MLYCD: variants seen among roughly 807,000 people sequenced by gnomAD.
The protein encoded by MLYCD is malonyl-CoA decarboxylase.
Under a neutral mutation model 35.8 loss-of-function variants are expected in MLYCD, and 27 were observed. The observed-to-expected ratio is 0.75, with a 90% CI of 0.56 to 1.04. MLYCD has a LOEUF of 1.04. MLYCD is among the 50% of genes least tolerant of loss of function. The probability of loss-of-function intolerance (pLI) is 0.00; values close to 1 mark genes in which losing one functional copy is unlikely to be tolerated. For missense variants in MLYCD, 917 were observed against 665.1 expected (o/e 1.38, Z -4.17); for synonymous variants, 403 against 302.4 (o/e 1.33, Z -3.45).
rs957509653 is a variant in MLYCD, at chr16:83,912,280, C to A, written c.861C>A (p.Ile287=). 1.2e-6 allele frequency: 2 copies of A among 1,614,194 alleles called. No individual in the cohort carries two copies. Among genetic ancestry groups the A allele is most frequent in the Non-Finnish European group, 8.5e-7 (1 of 1,180,032 alleles). Residue 287 remains isoleucine, a synonymous_variant, in exon 4 of 5, where the codon ATC becomes ATA. Transcript: ENST00000262430. ...TEEKNKITAA[I]FYSISLTQQG... Reference sequence around the variant, plus strand: ...AGAAGAACAAAATCACTGCTGCGATCTTTTATTCCATCAGCTTGACCCAGC... The same window carrying A: ...AGAAGAACAAAATCACTGCTGCGATATTTTATTCCATCAGCTTGACCCAGC...
intron 2 of MLYCD, 119 bp downstream of exon 2, chr16:83,907,218 A>G (rs1278155683): frequency 2.2e-6 from 2 of 904,964 alleles, no homozygotes; most frequent in African/African-American, 1.7e-5. Flanking sequence ...TTTCAAGTCT[A>G]ATAAAATCCA....
At position 83,914,892 on chromosome 16, in the gene MLYCD, G is replaced by A. The variant is rs148108343; in HGVS notation, c.949-64G>A. 117 of 1,608,752 alleles carry A rather than the reference G, an allele frequency of 7.3e-5. 1 individual carries two copies. The African/African-American group carries it at 1.4e-3, about 20-fold the overall frequency. On this transcript the variant is annotated intron_variant, in intron 4 of 4. Transcript: ENST00000262430. ...GTAGGTTAAGAGGTGCTCCTCTGTT[G>A]GTAACGTACCTGCTGAATTTGTGTT...
chr16:83,921,332 T>G lies in MLYCD; in HGVS notation c.*5843T>G. The G allele has an allele frequency of 7.8e-6, 1 of 127,396 alleles. No individual in the cohort carries two copies. The highest frequency in any genetic ancestry group is 2.5e-4 in the South Asian group (1 of 3,950). The allele number at this position is 127,396 out of a possible 1,614,324, so 7.9% of individuals were successfully genotyped here. ...GGAAGATGAATGGATAGATGGAGGG[T>G]AGAGTGTAGATGGAAGGAAAGGAAA... is the stretch of plus-strand genomic sequence containing the variant. On this transcript the variant is annotated 3_prime_UTR_variant, in exon 5 of 5. Coordinates refer to ENST00000262430, the MANE Select transcript of MLYCD (RefSeq NM_012213.3).
intron 1 of MLYCD, among the ~76,000 whole-genome samples, chr16:83,902,643 A>G (rs1348395459): frequency 6.6e-6 from 1 of 151,670 alleles, no homozygotes; most frequent in East Asian, 1.9e-4. Context: ...GTAGCTGGGA[A>G]TACAGGTGCT....
intron 3 of MLYCD, among the ~76,000 whole-genome samples, chr16:83,908,840 C>A (rs1907073453): frequency 6.6e-6 from 1 of 152,130 alleles, no homozygotes; most frequent in Admixed American, 6.5e-5. Flanking sequence ...CCCGTGGGGG[C>A]AGAAGAACCA....
Position 83,916,715 on chromosome 16 carries a change from A to C in MLYCD, c.*1226A>C, listed in dbSNP as rs1440355024. 3.8e-5 allele frequency: 5 copies of C among 133,072 alleles called. No individual in the cohort carries two copies. Among genetic ancestry groups the C allele is most frequent in the Non-Finnish European group, 6.2e-5 (4 of 64,460 alleles). The allele number at this position is 133,072 out of a possible 1,614,324, so 8.2% of individuals were successfully genotyped here. ...GTGCACGAGCGTCTCTGTGTGTATC[A>C]GTGCACGTCTGTGTGCGTGTGCCCG... On this transcript the variant is annotated 3_prime_UTR_variant, in exon 5 of 5. Coordinates refer to ENST00000262430, the MANE Select transcript of MLYCD (RefSeq NM_012213.3).
chr16:83,906,077 A>T (rs1906963578), intron 1 of MLYCD, among the ~76,000 whole-genome samples: 1 of 152,186 alleles, frequency 6.6e-6, no homozygotes, highest in Non-Finnish European at 1.5e-5. Context: ...ATGTCCCTCT[A>T]AGGTAGGTTA....
chr16:83,911,514 C>T (rs978084956), intron 3 of MLYCD, among the ~76,000 whole-genome samples: 2 of 152,188 alleles, frequency 1.3e-5, no homozygotes, highest in South Asian at 2.1e-4. Flanking sequence ...GATTATGCTT[C>T]GGAGTATAAG....
In MLYCD at chr16:83,899,274, C is replaced by T. The variant is rs1906686667; in HGVS notation, c.130C>T (p.Leu44=). The T allele has an allele frequency of 6.8e-7, 1 of 1,464,732 alleles. No homozygotes were observed. Among genetic ancestry groups the T allele is most frequent in the Non-Finnish European group, 9.0e-7 (1 of 1,113,376 alleles). The allele number at this position is 1,464,732 out of a possible 1,614,324, so 90.7% of individuals were successfully genotyped here. The part of the protein sequence containing the change: ...GALERAMDEL[L]RRAVPPTPAY... The stretch of plus-strand genomic sequence containing the variant: ...CCTGGAGCGGGCCATGGACGAGCTG[C>T]TGCGCCGCGCGGTGCCGCCGACGCC... The change falls in exon 1 of 5, where the codon CTG becomes TTG. Residue 44 remains leucine (L), a synonymous_variant. Transcript: ENST00000262430.
chr16:83,902,219 TTGTTTG>T, intron 1 of MLYCD, among the ~76,000 whole-genome samples: 1 of 146,832 alleles, frequency 6.8e-6, no homozygotes, highest in East Asian at 2.0e-4. Context: ...TTACGGTTTT[TTGTTTG>T]TGTTTATTTT....
rs1189505823 is a variant in MLYCD, at chr16:83,919,959, T to TCACAGGACACAACAGAACACACGCAGTG, written c.*4494_*4521dup. 6.7e-6 allele frequency: 1 copy of TCACAGGACACAACAGAACACACGCAGTG among 148,306 alleles called. No individual in the cohort carries two copies. The highest frequency in any genetic ancestry group is 6.7e-5 in the Admixed American group (1 of 14,918). 9.2% of individuals were successfully genotyped at this position (148,306 alleles called of 1,614,324 possible). ...CCATGCACAGGAGAACACACGCAAT[T>TCACAGGACACAACAGAACACACGCAGTG]CACAGGACACAACAGAACACACGCA... On this transcript the variant is annotated 3_prime_UTR_variant, in exon 5 of 5. Coordinates refer to ENST00000262430, the MANE Select transcript of MLYCD (RefSeq NM_012213.3).
Position 83,915,697 on chromosome 16 carries a change from C to T in MLYCD, c.*208C>T, listed in dbSNP as rs893844468. On this transcript the variant is annotated 3_prime_UTR_variant, in exon 5 of 5. Coordinates refer to ENST00000262430, the MANE Select transcript of MLYCD (RefSeq NM_012213.3). Reference sequence around the variant, plus strand: ...ACCCAGTGCAAGACGGTTGTGGGTGCGGGTGCACACAAATGAGTGGGTTGC... The same window carrying T: ...ACCCAGTGCAAGACGGTTGTGGGTGTGGGTGCACACAAATGAGTGGGTTGC... 32 of 1,447,920 alleles carry T rather than the reference C, an allele frequency of 2.2e-5. No individual in the cohort carries two copies. The highest frequency in any genetic ancestry group is 2.5e-4 in the Middle Eastern group (1 of 3,934). 89.7% of individuals were successfully genotyped at this position (1,447,920 alleles called of 1,614,324 possible).
chr16:83,914,669 C>T, intron 4 of MLYCD: 1 of 454,958 alleles, frequency 2.2e-6, no homozygotes, highest in Non-Finnish European at 4.0e-6. Context: ...GTCCCAGCTA[C>T]TCAGCAGGCT....
At position 83,915,617 on chromosome 16, in the gene MLYCD, C is replaced by G. The variant is rs991232565; in HGVS notation, c.*128C>G. The G allele has an allele frequency of 3.3e-6, 5 of 1,528,340 alleles. No individual in the cohort carries two copies. The highest frequency in any genetic ancestry group is 2.7e-5 in the African/African-American group (2 of 72,948). The allele number at this position is 1,528,340 out of a possible 1,614,324, so 94.7% of individuals were successfully genotyped here. On this transcript the variant is annotated 3_prime_UTR_variant, in exon 5 of 5. Transcript: ENST00000262430. The stretch of plus-strand genomic sequence containing the variant: ...AGTTGACTGTGTTCTTGTCCCGCAG[C>G]CGGTCCACACTGTGAGGCCAGGCCT...
chr16:83,899,882 T>G (rs376206912), intron 1 of MLYCD, among the ~76,000 whole-genome samples: 1 of 152,268 alleles, frequency 6.6e-6, no homozygotes, highest in Non-Finnish European at 1.5e-5. Context: ...TCCTCCAGTC[T>G]GTCCTTGAAG....
Position 83,907,064 on chromosome 16 carries a change from G to GGT in MLYCD, c.606_607insGT (p.His203ValfsTer20). On this transcript the variant is annotated frameshift_variant, in exon 2 of 5. Transcript: ENST00000262430. LOFTEE classifies it high-confidence loss of function. The stretch of plus-strand genomic sequence containing the variant: ...TCCTGAACCTAGAACGGGTTACCTG[G>GGT]CATTCACCGTGTGAAGTGCTTCAGA... 1 of 1,614,124 alleles carries GGT rather than the reference G, an allele frequency of 6.2e-7. No individual in the cohort carries two copies. The highest frequency in any genetic ancestry group is 8.5e-7 in the Non-Finnish European group (1 of 1,179,986).
chr16:83,917,927 T>C lies in MLYCD; in HGVS notation c.*2438T>C, dbSNP rs1286314669. 1 of 152,182 alleles carries C rather than the reference T, an allele frequency of 6.6e-6. No homozygotes were observed. Among genetic ancestry groups the C allele is most frequent in the Non-Finnish European group, 1.5e-5 (1 of 68,052 alleles). The allele number at this position is 152,182 out of a possible 1,614,324, so 9.4% of individuals were successfully genotyped here. The stretch of plus-strand genomic sequence containing the variant: ...TCTCTCCTGTGTGGACAGGGGATGA[T>C]AGGAATTCCCGCTGCACAGGCCGCT... On this transcript the variant is annotated 3_prime_UTR_variant, in exon 5 of 5. Transcript: ENST00000262430.
At position 83,915,207 on chromosome 16, in the gene MLYCD, G is replaced by T. The variant is rs777475399; in HGVS notation, c.1200G>T (p.Arg400Ser). 6 of 1,613,928 alleles carry T rather than the reference G, an allele frequency of 3.7e-6. No individual in the cohort carries two copies. The highest frequency in any genetic ancestry group is 1.7e-5 in the Admixed American group (1 of 60,014). Reference sequence around the variant, plus strand: ...GGGCGCTGCAGACTCCGCTGATGAGGCTGTGCGCCTGGTACCTGTATGGAG... The same window carrying T: ...GGGCGCTGCAGACTCCGCTGATGAGTCTGTGCGCCTGGTACCTGTATGGAG... ...LVRALQTPLM[R>S]LCAWYLYGEK... The change falls in exon 5 of 5, where the codon AGG becomes AGT. Residue 400 changes from arginine (R) to serine (S), a missense_variant. Physicochemically the swap from Arg to Ser is moderately radical, Grantham distance 110. Coordinates refer to ENST00000262430, the MANE Select transcript of MLYCD (RefSeq NM_012213.3).
intron 1 of MLYCD, among the ~76,000 whole-genome samples, chr16:83,902,820 T>C (rs1459081293): frequency 6.6e-6 from 1 of 152,192 alleles, no homozygotes; most frequent in East Asian, 1.9e-4. Context: ...TCTTACTTTT[T>C]AAAATGTTCT....
Sources: allele counts gnomAD v4.1 joint callset (sites outside exome capture counted in the v4.1 genomes callset), GRCh38; gene constraint gnomAD v4.1.1; transcripts MANE v1.5; gene names NCBI Gene and HGNC (gene_info 2026-07-23, HGNC 2026-07-21).